Variants in ASCC1 observed in about 807,000 individuals in gnomAD.
ASCC1 encodes activating signal cointegrator 1 complex subunit 1.
ASCC1 carries 35 observed loss-of-function variants against 46.6 expected under a neutral mutation model. The ratio of observed to expected loss-of-function variants is 0.75; its 90% confidence interval spans 0.57 to 0.99. ASCC1 has a LOEUF of 0.99. ASCC1 is among the 50% of genes least tolerant of loss of function. The pLI, the probability that ASCC1 is intolerant of heterozygous loss-of-function variation, is 0.00. For synonymous variants in ASCC1, 143 were observed against 146.6 expected (o/e 0.98, Z 0.18); for missense variants, 376 against 428.7 (o/e 0.88, Z 1.09).
intron 7 of ASCC1, among the ~76,000 whole-genome samples, chr10:72,137,068 C>T (rs1846318316): frequency 6.6e-6 from 1 of 152,036 alleles, no homozygotes; most frequent in South Asian, 2.1e-4. Flanking sequence ...TACCACCATG[C>T]CCAGCTAATT....
intron 9 of ASCC1, among the ~76,000 whole-genome samples, chr10:72,122,448 C>T (rs1349320977): frequency 6.8e-6 from 1 of 147,188 alleles, no homozygotes. Flanking sequence ...CCACACACTT[C>T]TAACCAACAC....
intron 5 of ASCC1, among the ~76,000 whole-genome samples, chr10:72,184,297 C>G (rs375108919): frequency 3.3e-5 from 5 of 151,332 alleles, no homozygotes; most frequent in African/African-American, 1.2e-4. Context: ...GATTTAAACT[C>G]ACCCATAGCT....
At chr10:72,189,434 T>G (rs879711486) in intron 5 of ASCC1, among the ~76,000 whole-genome samples, 56 of 150,954 alleles carry the variant, frequency 3.7e-4, no homozygotes, top group African/African-American at 1.4e-3. Flanking sequence ...AAAAAAATAT[T>G]TGGAGAAGTT....
chr10:72,188,047 C>A (rs1337894770), intron 5 of ASCC1, among the ~76,000 whole-genome samples: 1 of 151,166 alleles, frequency 6.6e-6, no homozygotes, highest in African/African-American at 2.5e-5. Context: ...CCTACATAGC[C>A]CTCTTCATAA....
intron 7 of ASCC1, among the ~76,000 whole-genome samples, chr10:72,135,778 T>C (rs753341456): frequency 4.6e-5 from 7 of 152,184 alleles, no homozygotes; most frequent in African/African-American, 1.7e-4. Flanking sequence ...CTGTAAGTGG[T>C]GAGAAGTGAG....
intron 5 of ASCC1, among the ~76,000 whole-genome samples, chr10:72,184,114 A>G (rs1161577362): frequency 2.6e-5 from 4 of 152,084 alleles, no homozygotes; most frequent in African/African-American, 9.7e-5. Flanking sequence ...ACTGCACTCC[A>G]GCCTGGGTAA....
At chr10:72,170,812 G>A (rs1031961395) in intron 5 of ASCC1, among the ~76,000 whole-genome samples, 5 of 152,018 alleles carry the variant, frequency 3.3e-5, no homozygotes, top group East Asian at 1.9e-4. Flanking sequence ...AATGTTAAAC[G>A]TATTGAGGTT....
chr10:72,154,693 T>C (rs544040074), intron 6 of ASCC1, among the ~76,000 whole-genome samples: 71 of 152,250 alleles, frequency 4.7e-4, no homozygotes, highest in African/African-American at 1.5e-3. Flanking sequence ...GGTTTTGCCA[T>C]GTTGCCCAGG....
At chr10:72,132,988 T>C (rs909106068) in intron 8 of ASCC1, 69 bp downstream of exon 8, 29 of 1,602,972 alleles carry the variant, frequency 1.8e-5, no homozygotes, top group Non-Finnish European at 2.5e-5. Context: ...TAGCTCATTC[T>C]ACCTAAACCT....
chr10:72,203,412 T>A lies in ASCC1; in HGVS notation c.310+15A>T, dbSNP rs41282254. 53,284 of 1,577,202 alleles carry A rather than the reference T, an allele frequency of 0.034. 1,053 individuals carry two copies. The highest frequency in any genetic ancestry group is 0.041 in the Non-Finnish European group (47,359 of 1,146,492). On this transcript the variant is annotated intron_variant, in intron 4 of 9. Transcript: ENST00000672957. ...AAAGTGACTTCAAATGTAACTTATA[T>A]CTACTGAGTCTCACCAATTTCCCCG... is the stretch of plus-strand genomic sequence containing the variant.
In ASCC1 at chr10:72,097,171, T is replaced by A. The variant is rs1292568677; in HGVS notation, c.*163A>T. 7 of 720,328 alleles carry A rather than the reference T, an allele frequency of 9.7e-6. No individual in the cohort carries two copies. The highest frequency in any genetic ancestry group is 8.6e-5 in the African/African-American group (5 of 57,970). 44.6% of individuals were successfully genotyped at this position (720,328 alleles called of 1,614,324 possible). A position where few individuals can be genotyped will look rare whatever the true frequency, so the allele number is the denominator to read the frequency against. On this transcript the variant is annotated 3_prime_UTR_variant, in exon 10 of 10. Coordinates refer to ENST00000672957, the MANE Select transcript of ASCC1 (RefSeq NM_001198800.3). ...CCCACCACCATCTCAGCTGGTAGTA[T>A]GACGGGTGTAGACACCATTAGAGGC...
chr10:72,101,378 A>C (rs1841738212), intron 9 of ASCC1, among the ~76,000 whole-genome samples: 1 of 152,138 alleles, frequency 6.6e-6, no homozygotes, highest in Non-Finnish European at 1.5e-5. Flanking sequence ...ATGCAGCAGG[A>C]GGTAAGGAAA....
chr10:72,114,275 T>C (rs1843243583), intron 9 of ASCC1, among the ~76,000 whole-genome samples: 1 of 152,242 alleles, frequency 6.6e-6, no homozygotes, highest in South Asian at 2.1e-4. Context: ...GAGTATGAGC[T>C]ATAGGTATAT....
chr10:72,131,476 A>T (rs369270788), intron 8 of ASCC1, among the ~76,000 whole-genome samples: 11 of 145,952 alleles, frequency 7.5e-5, no homozygotes, highest in Admixed American at 2.8e-4. Context: ...ACACACACAC[A>T]CTCAACTGGA....
At position 72,117,796 on chromosome 10, in the gene ASCC1, G is replaced by A. The variant is rs149318758; in HGVS notation, c.957+10286C>T. On this transcript the variant is annotated intron_variant, in intron 9 of 9. Coordinates refer to ENST00000672957, the MANE Select transcript of ASCC1 (RefSeq NM_001198800.3). ...AGTATGGCCAACTGAACTGCAGTTT[G>A]TGTATTAGCTTTAAAAGCCTGGAGA... Among the ~76,000 whole-genome samples the A allele has an allele frequency of 8.8e-4, 134 of 152,280 alleles. 2 individuals carry two copies. The East Asian group carries it at 0.023, about 26-fold the overall frequency.
chr10:72,105,318 C>T (rs1423309616), intron 9 of ASCC1, among the ~76,000 whole-genome samples: 1 of 152,172 alleles, frequency 6.6e-6, no homozygotes, highest in Non-Finnish European at 1.5e-5. Context: ...CTGGCACCCT[C>T]ACCTAGACAC....
upstream of ASCC1, chr10:72,216,927 G>C: frequency 2.2e-6 from 1 of 456,148 alleles, no homozygotes; most frequent in Non-Finnish European, 4.4e-6. Context: ...AGAGTTGTGC[G>C]AATAGATCTG....
chr10:72,103,288 G>A (rs1350955630), intron 9 of ASCC1, among the ~76,000 whole-genome samples: 4 of 151,338 alleles, frequency 2.6e-5, no homozygotes, highest in Admixed American at 6.6e-5. Context: ...GCCTGCCACC[G>A]CACCCGGCTA....
intron 9 of ASCC1, among the ~76,000 whole-genome samples, chr10:72,114,262 TGTGA>T (rs1564592868): frequency 6.6e-6 from 1 of 152,142 alleles, no homozygotes; most frequent in Non-Finnish European, 1.5e-5. Context: ...CTTGAAAGAT[TGTGA>T]GTATGAGCTA....
Sources: allele counts gnomAD v4.1 joint callset (sites outside exome capture counted in the v4.1 genomes callset), GRCh38; gene constraint gnomAD v4.1.1; transcripts MANE v1.5; gene names NCBI Gene and HGNC (gene_info 2026-07-23, HGNC 2026-07-21).